CPD: variants seen among roughly 807,000 people sequenced by gnomAD.
CPD encodes the protein carboxypeptidase D.
CPD carries 69 observed loss-of-function variants against 138.3 expected under a neutral mutation model. The observed-to-expected ratio is 0.50, with a 90% CI of 0.41 to 0.61. The LOEUF (loss-of-function observed/expected upper bound fraction) is 0.61, where lower values mean the gene tolerates loss of function less well. Among genes scored for constraint, CPD ranks in the 20% least tolerant of loss-of-function variants. The pLI, the probability that CPD is intolerant of heterozygous loss-of-function variation, is 0.00. For synonymous variants in CPD, 651 were observed against 642.1 expected (o/e 1.01, Z -0.21); for missense variants, 1,432 against 1,733.3 (o/e 0.83, Z 3.09).
intron 8 of CPD, among the ~76,000 whole-genome samples, chr17:30,435,601 A>T (rs779083901): frequency 1.3e-5 from 2 of 152,204 alleles, no homozygotes; most frequent in Non-Finnish European, 2.9e-5. Context: ...CCTCCTCTAG[A>T]TATGACATCG....
At chr17:30,394,901 A>ATGTGTGTGTGTGTGTGTG (rs113868957) in intron 2 of CPD, among the ~76,000 whole-genome samples, 2 of 148,434 alleles carry the variant, frequency 1.3e-5, no homozygotes, top group African/African-American at 5.0e-5. Context: ...GCATGTGTGT[A>ATGTGTGTGTGTGTGTGTG]TGTGTGTGTG....
Position 30,449,800 on chromosome 17 carries a change from A to T in CPD, c.3069+52A>T, listed in dbSNP as rs763549948. 6 of 1,458,468 alleles carry T rather than the reference A, an allele frequency of 4.1e-6. No individual in the cohort carries two copies. The South Asian group carries it at 8.4e-5, about 20-fold the overall frequency. 90.3% of individuals were successfully genotyped at this position (1,458,468 alleles called of 1,614,324 possible). A position where few individuals can be genotyped will look rare whatever the true frequency, so the allele number is the denominator to read the frequency against. The stretch of plus-strand genomic sequence containing the variant: ...CTTTAAAAGGAAAAAGCTCAACATT[A>T]ATATCAGGGCACCATTTTTAAAATT... On this transcript the variant is annotated intron_variant, in intron 13 of 20. Coordinates refer to ENST00000225719, the MANE Select transcript of CPD (RefSeq NM_001304.5).
In CPD at chr17:30,422,987, A is replaced by T; in HGVS notation, c.1621A>T (p.Met541Leu). 6.2e-7 allele frequency: 1 copy of T among 1,613,714 alleles called. No homozygotes were observed. The highest frequency in any genetic ancestry group is 8.5e-7 in the Non-Finnish European group (1 of 1,179,712). ...KSVESRELYV[M>L]EISDNPGVHE... Reference sequence around the variant, plus strand: ...AGTAGAGTCAAGAGAACTTTATGTGATGGAGATATCTGATAATCCGGGTGT... The same window carrying T: ...AGTAGAGTCAAGAGAACTTTATGTGTTGGAGATATCTGATAATCCGGGTGT... Residue 541 changes from methionine (M) to leucine (L), a missense_variant, in exon 5 of 21, where the codon ATG (methionine) becomes TTG (leucine). Physicochemically the swap from Met to Leu is conservative, Grantham distance 15 (BLOSUM62 2). Coordinates refer to ENST00000225719, the MANE Select transcript of CPD (RefSeq NM_001304.5).
chr17:30,465,690 C>T lies in CPD; in HGVS notation c.*876C>T, dbSNP rs1913617232. 1 of 152,570 alleles carries T rather than the reference C, an allele frequency of 6.6e-6. No individual in the cohort carries two copies. The highest frequency in any genetic ancestry group is 1.5e-5 in the Non-Finnish European group (1 of 68,002). 9.5% of individuals were successfully genotyped at this position (152,570 alleles called of 1,614,324 possible). On this transcript the variant is annotated 3_prime_UTR_variant, in exon 21 of 21. Transcript: ENST00000225719. ...TCTTTAATATTGCCTAAATCGGAAC[C>T]TTTTTCTATGTTGCACACATGGTTT...
chr17:30,385,366 T>C, intron 2 of CPD, 130 bp downstream of exon 2: 1 of 1,199,020 alleles, frequency 8.3e-7, no homozygotes. Flanking sequence ...ATTTTGAAAA[T>C]TTCAAATCTA....
rs758946475 is a variant in CPD, at chr17:30,445,845, A to G, written c.2698A>G (p.Lys900Glu). ...CAATGATGCCAGTGATCCAACTACT[A>G]AAGAGTTTGAAACTTTAATTAAAGA... ...STNDASDPTT[K>E]EFETLIKDLS... The change falls in exon 12 of 21, where the codon AAA (lysine) becomes GAA (glutamate). Residue 900 changes from lysine to glutamate, a missense_variant. Lys to Glu is a moderately conservative substitution (Grantham distance 56, BLOSUM62 1). This residue lies in a region of CPD where 124 missense variants were observed against 117.0 expected (regional missense o/e 1.06). Coordinates refer to ENST00000225719, the MANE Select transcript of CPD (RefSeq NM_001304.5). The G allele has an allele frequency of 1.2e-5, 19 of 1,614,130 alleles. No homozygotes were observed. The highest frequency in any genetic ancestry group is 3.3e-5 in the South Asian group (3 of 91,088).
At position 30,379,607 on chromosome 17, in the gene CPD, C is replaced by T; in HGVS notation, c.627C>T (p.Asp209=). 1 of 1,465,728 alleles carries T rather than the reference C, an allele frequency of 6.8e-7. No homozygotes were observed. The highest frequency in any genetic ancestry group is 1.3e-5 in the South Asian group (1 of 75,478). The allele number at this position is 1,465,728 out of a possible 1,614,324, so 90.8% of individuals were successfully genotyped here. A position where few individuals can be genotyped will look rare whatever the true frequency, so the allele number is the denominator to read the frequency against. The change falls in exon 1 of 21, where the codon GAC becomes GAT. Residue 209 remains aspartate, a synonymous_variant. Coordinates refer to ENST00000225719, the MANE Select transcript of CPD (RefSeq NM_001304.5). This position sits in a 1 kb window ranked among gnomAD's most constrained non-coding sequence, Gnocchi z 7.0. ...GCCCGTCCGGGGCCAGCGGCCGCGACAATAGTCGCGGCCGCGACCTCAACC... is the reference window on the plus strand; with the variant it reads ...GCCCGTCCGGGGCCAGCGGCCGCGATAATAGTCGCGGCCGCGACCTCAACC... The part of the protein sequence containing the change: ...DGGPSGASGR[D]NSRGRDLNRS...
chr17:30,428,603 A>G (rs1912483522), intron 7 of CPD, among the ~76,000 whole-genome samples: 1 of 152,142 alleles, frequency 6.6e-6, no homozygotes, highest in African/African-American at 2.4e-5. Context: ...ATAGTGCATG[A>G]TTATTATTTT....
At chr17:30,417,968 T>A (rs958174094) in intron 2 of CPD, among the ~76,000 whole-genome samples, 23 of 152,130 alleles carry the variant, frequency 1.5e-4, no homozygotes, top group African/African-American at 5.5e-4. Context: ...GCCTCATAGC[T>A]GGTGGTCACA....
At chr17:30,395,531 T>C (rs1047342361) in intron 2 of CPD, among the ~76,000 whole-genome samples, 9 of 152,134 alleles carry the variant, frequency 5.9e-5, no homozygotes, top group Admixed American at 5.9e-4. Context: ...CATAACCTAG[T>C]ATAAAGACTG....
At position 30,464,627 on chromosome 17, in the gene CPD, T is replaced by C. The variant is rs1430249817; in HGVS notation, c.3956T>C (p.Ile1319Thr). The change falls in exon 21 of 21, where the codon ATT becomes ACT. Residue 1319 changes from isoleucine (I) to threonine (T), a missense_variant. By Grantham distance (89) the Ile-to-Thr change is moderately conservative. Around this residue, in one of 6 missense-constraint regions of CPD, gnomAD observed 366 missense variants for 518.8 expected, o/e 0.71. Transcript: ENST00000225719. Reference sequence around the variant, plus strand: ...GCATTGATCCTAACAGCTTGCATTATTTGGTGCATCTGCTCAATCAAGTCT... The same window carrying C: ...GCATTGATCCTAACAGCTTGCATTACTTGGTGCATCTGCTCAATCAAGTCT... ...MSALILTACI[I>T]WCICSIKSNR... 6.2e-7 allele frequency: 1 copy of C among 1,613,922 alleles called. No individual in the cohort carries two copies. Among genetic ancestry groups the C allele is most frequent in the Non-Finnish European group, 8.5e-7 (1 of 1,179,872 alleles).
chr17:30,449,812 C>A, intron 13 of CPD, 64 bp downstream of exon 13: 1 of 1,407,284 alleles, frequency 7.1e-7, no homozygotes, highest in Non-Finnish European at 9.5e-7. Context: ...TATCAGGGCA[C>A]CATTTTTAAA....
chr17:30,445,645 A>G lies in CPD; in HGVS notation c.2544-46A>G, dbSNP rs192549014. 42 of 1,379,604 alleles carry G rather than the reference A, an allele frequency of 3.0e-5. No individual in the cohort carries two copies. The Middle Eastern group carries it at 1.3e-3, about 42-fold the overall frequency. The allele number at this position is 1,379,604 out of a possible 1,614,324, so 85.5% of individuals were successfully genotyped here. ...ACACCTGCCTTCCCAGGGTTTGGGT[A>G]CTCCAGCTGCAGGAGTGTGGTTCTG... On this transcript the variant is annotated intron_variant, in intron 11 of 20. Coordinates refer to ENST00000225719, the MANE Select transcript of CPD (RefSeq NM_001304.5).
intron 2 of CPD, among the ~76,000 whole-genome samples, chr17:30,416,564 C>G (rs1218005958): frequency 6.6e-6 from 1 of 152,218 alleles, no homozygotes; most frequent in Admixed American, 6.5e-5. Context: ...GCCAGAATCC[C>G]TCGACCTCAA....
In CPD at chr17:30,464,803, A is replaced by G. The variant is rs781390690; in HGVS notation, c.4132A>G (p.Ser1378Gly). The change falls in exon 21 of 21, where the codon AGC (serine) becomes GGC (glycine). Residue 1378 changes from serine (S) to glycine (G), a missense_variant. By Grantham distance (56) the Ser-to-Gly change is moderately conservative. Around this residue, in one of 6 missense-constraint regions of CPD, gnomAD observed 366 missense variants for 518.8 expected, o/e 0.71. Coordinates refer to ENST00000225719, the MANE Select transcript of CPD (RefSeq NM_001304.5). Reference protein sequence around the residue: ...TDTEEETLYSSKH With the variant: ...TDTEEETLYSGKH ...CACTGAAGAGGAAACATTATATTCT[A>G]GCAAACATTGAAAAACACATTTTGC... The G allele has an allele frequency of 1.9e-6, 3 of 1,613,482 alleles. No individual in the cohort carries two copies. Among genetic ancestry groups the G allele is most frequent in the Non-Finnish European group, 2.5e-6 (3 of 1,179,640 alleles).
chr17:30,380,105 T>G, intron 1 of CPD: 1 of 191,318 alleles, frequency 5.2e-6, no homozygotes, highest in Middle Eastern at 1.9e-3. Flanking sequence ...CCTAATGTTA[T>G]AGGCGCTGTG....
intron 8 of CPD, among the ~76,000 whole-genome samples, chr17:30,438,698 C>T (rs948845999): frequency 5.3e-5 from 8 of 152,076 alleles, no homozygotes; most frequent in African/African-American, 1.9e-4. Context: ...TTTTATATTA[C>T]TTGTAATTGC....
chr17:30,466,016 T>A lies in CPD; in HGVS notation c.*1202T>A, dbSNP rs1383968128. The A allele has an allele frequency of 6.6e-6, 1 of 152,440 alleles. No individual in the cohort carries two copies. The highest frequency in any genetic ancestry group is 2.4e-5 in the African/African-American group (1 of 41,442). The allele number at this position is 152,440 out of a possible 1,614,324, so 9.4% of individuals were successfully genotyped here. A position where few individuals can be genotyped will look rare whatever the true frequency, so the allele number is the denominator to read the frequency against. ...AAGCTTTTAAGTATAGCTTCCTCCC[T>A]TGAAAAAAAATGTAAACTATGACTG... On this transcript the variant is annotated 3_prime_UTR_variant, in exon 21 of 21. Transcript: ENST00000225719.
At chr17:30,430,983 A>G (rs1912548496) in intron 7 of CPD, among the ~76,000 whole-genome samples, 1 of 152,114 alleles carries the variant, frequency 6.6e-6, no homozygotes, top group Non-Finnish European at 1.5e-5. Flanking sequence ...TTGGGTGTAC[A>G]CTTAGGAGTG....
Sources: allele counts gnomAD v4.1 joint callset (sites outside exome capture counted in the v4.1 genomes callset), GRCh38; gene constraint gnomAD v4.1.1; regional missense constraint gnomAD v4.1.1; non-coding constraint Gnocchi (gnomAD v3.1); transcripts MANE v1.5; gene names NCBI Gene and HGNC (gene_info 2026-07-23, HGNC 2026-07-21).